The following EDNRB variants were observed in gnomAD, a reference collection of about 807,000 sequenced individuals.
EDNRB encodes the protein endothelin receptor type B, also known as Hirschsprung disease 2.
In EDNRB, 18 loss-of-function variants were observed where a neutral mutation model predicts 46.4. The ratio of observed to expected loss-of-function variants is 0.39; its 90% CI spans 0.27 to 0.57. The LOEUF is 0.57. Ranked by LOEUF, EDNRB falls within the 20% of genes least tolerant of loss-of-function variation. The pLI, the probability that EDNRB is intolerant of heterozygous loss-of-function variation, is 0.61. For missense variants in EDNRB, 434 were observed against 537.5 expected, an observed-to-expected ratio of 0.81 and a Z score of 1.90; for synonymous variants, 213 against 204.9, an observed-to-expected ratio of 1.04 and a Z score of -0.34.
upstream of EDNRB, chr13:77,919,553 A>G (rs754040857): frequency 2.5e-6 from 4 of 1,612,702 alleles, 1 homozygote; most frequent in South Asian, 2.2e-5. Context: ...AGAATGCCAG[A>G]CAGTGTAGCC....
intron 1 of EDNRB, among the ~76,000 whole-genome samples, chr13:77,948,161 T>G (rs1880985367): frequency 6.6e-6 from 1 of 152,208 alleles, no homozygotes; most frequent in South Asian, 2.1e-4. Flanking sequence ...TCTGATGTGC[T>G]AGACAAAAGT....
chr13:77,899,640 G>T, intron 6 of EDNRB: 1 of 492,534 alleles, frequency 2.0e-6, no homozygotes, highest in Non-Finnish European at 3.7e-6. Flanking sequence ...GTAACTGATT[G>T]GCTGAGGCAG....
chr13:77,974,089 T>A (rs1045272440), intron 1 of EDNRB, among the ~76,000 whole-genome samples: 4 of 152,162 alleles, frequency 2.6e-5, no homozygotes, highest in Non-Finnish European at 4.4e-5. Flanking sequence ...GTTGAAAACC[T>A]TGCAAGTTTG....
intron 1 of EDNRB, among the ~76,000 whole-genome samples, chr13:77,965,614 G>A (rs1881558519): frequency 1.3e-5 from 2 of 152,100 alleles, no homozygotes; most frequent in Admixed American, 1.3e-4. Flanking sequence ...AGAGCAAAGA[G>A]GAATTAAAGT....
intron 1 of EDNRB, among the ~76,000 whole-genome samples, chr13:77,945,169 T>C (rs938889972): frequency 4.6e-5 from 7 of 152,240 alleles, no homozygotes; most frequent in Admixed American, 1.3e-4. Flanking sequence ...CACTGAGGTG[T>C]ACATGTGTAC....
At chr13:77,955,369 T>A (rs545562310) in intron 1 of EDNRB, among the ~76,000 whole-genome samples, 2 of 152,344 alleles carry the variant, frequency 1.3e-5, no homozygotes, top group East Asian at 3.9e-4. Context: ...CTTTGGATAG[T>A]AATCCCTTAT....
chr13:77,927,089 G>T (rs1275989584), intron 1 of EDNRB, among the ~76,000 whole-genome samples: 2 of 152,190 alleles, frequency 1.3e-5, no homozygotes, highest in African/African-American at 4.8e-5. Flanking sequence ...TGAGATTTGG[G>T]TGGGGACACA....
chr13:77,945,166 G>T (rs1880868532), intron 1 of EDNRB, among the ~76,000 whole-genome samples: 1 of 152,112 alleles, frequency 6.6e-6, no homozygotes, highest in Non-Finnish European at 1.5e-5. Context: ...CTTCACTGAG[G>T]TGTACATGTG....
upstream of EDNRB, chr13:77,918,983 G>T: frequency 1.0e-6 from 1 of 1,000,272 alleles, no homozygotes; most frequent in South Asian, 4.0e-5. The surrounding 1 kb of genome is among the most constrained non-coding windows in gnomAD (Gnocchi z 4.5). Context: ...TTAAGCGTGC[G>T]TGGGAACCGC....
At chr13:77,935,450 C>CT (rs1566326226) in intron 1 of EDNRB, among the ~76,000 whole-genome samples, 8 of 152,094 alleles carry the variant, frequency 5.3e-5, no homozygotes, top group Admixed American at 5.2e-4. Flanking sequence ...AGCTAGGTTT[C>CT]TTTTTGTGAG....
chr13:77,912,203 A>G (rs1879605394), intron 1 of EDNRB, among the ~76,000 whole-genome samples: 1 of 152,104 alleles, frequency 6.6e-6, no homozygotes, highest in Non-Finnish European at 1.5e-5. Flanking sequence ...AAACCTTTTG[A>G]TAGATAAGCC....
intron 1 of EDNRB, among the ~76,000 whole-genome samples, chr13:77,949,017 A>G (rs1161196054): frequency 6.6e-6 from 1 of 152,230 alleles, no homozygotes; most frequent in African/African-American, 2.4e-5. Context: ...ATGTCTACAC[A>G]TCTCAAAAAT....
chr13:77,919,066 C>T (rs967870910), upstream of EDNRB: 7 of 519,642 alleles, frequency 1.3e-5, no homozygotes, highest in Admixed American at 4.2e-5. Context: ...ACCTCTATAC[C>T]CCGCGATTGA....
intron 5 of EDNRB, 145 bp from the exon 6 acceptor site, chr13:77,900,112 T>C: frequency 1.4e-6 from 1 of 732,208 alleles, no homozygotes; most frequent in Non-Finnish European, 2.4e-6. Flanking sequence ...ACAATGATTC[T>C]CTGCCTGTCT....
intron 1 of EDNRB, among the ~76,000 whole-genome samples, chr13:77,942,813 T>G (rs1880792802): frequency 6.6e-6 from 1 of 152,136 alleles, no homozygotes; most frequent in South Asian, 2.1e-4. Flanking sequence ...AGAACATTGT[T>G]CTTAAGCGAT....
chr13:77,943,969 A>G (rs896849936), intron 1 of EDNRB, among the ~76,000 whole-genome samples: 1 of 152,084 alleles, frequency 6.6e-6, no homozygotes, highest in African/African-American at 2.4e-5. Flanking sequence ...AAAACCCAGG[A>G]AAGTAAAGCC....
At chr13:77,909,984 G>A (rs1879492742) in intron 1 of EDNRB, among the ~76,000 whole-genome samples, 1 of 151,796 alleles carries the variant, frequency 6.6e-6, no homozygotes, top group South Asian at 2.1e-4. Flanking sequence ...AAAAGGTAAC[G>A]ACAAAAATTC....
intron 1 of EDNRB, among the ~76,000 whole-genome samples, chr13:77,959,355 C>T (rs569988554): frequency 8.5e-5 from 13 of 152,306 alleles, no homozygotes; most frequent in African/African-American, 1.4e-4. Context: ...TCCAGAGGAA[C>T]GATCAGGCAG....
intron 1 of EDNRB, among the ~76,000 whole-genome samples, chr13:77,964,616 C>T (rs147531349): frequency 7.2e-5 from 11 of 152,072 alleles, no homozygotes; most frequent in East Asian, 1.9e-4. Flanking sequence ...CATCACACAC[C>T]GGGGCCTGTC....
Sources: allele counts gnomAD v4.1 joint callset (sites outside exome capture counted in the v4.1 genomes callset), GRCh38; gene constraint gnomAD v4.1.1; non-coding constraint Gnocchi (gnomAD v3.1); transcripts MANE v1.5; gene names NCBI Gene and HGNC (gene_info 2026-07-23, HGNC 2026-07-21).